The following PCMTD1 variants were observed in gnomAD, a reference collection of about 807,000 sequenced individuals.
PCMTD1 encodes protein-L-isoaspartate (D-aspartate) O-methyltransferase domain containing 1.
In PCMTD1, 12 loss-of-function variants were observed where a neutral mutation model predicts 37.6. The observed-to-expected ratio is 0.32, with a 90% CI of 0.20 to 0.52. The LOEUF (loss-of-function observed/expected upper bound fraction) is 0.52. Among genes scored for constraint, PCMTD1 ranks in the 20% least tolerant of loss-of-function variants. PCMTD1 has a pLI of 0.97. For missense variants in PCMTD1, 235 were observed against 421.3 expected, an observed-to-expected ratio of 0.56 and a Z score of 3.87; for synonymous variants, 117 against 135.8, an observed-to-expected ratio of 0.86 and a Z score of 0.96.
intron 1 of PCMTD1, among the ~76,000 whole-genome samples, chr8:51,866,718 G>A (rs1013579689): frequency 2.6e-5 from 4 of 151,860 alleles, no homozygotes; most frequent in African/African-American, 9.7e-5. Context: ...CATTAGTCTG[G>A]GCAAAGATTT....
rs2037778272 is a variant in PCMTD1 at position 51,817,686 on chromosome 8, AC to A, written c.*2664del. 3.7e-6 allele frequency: 1 copy of A among 268,702 alleles called. No individual in the cohort carries two copies. Among genetic ancestry groups the A allele is most frequent in the Admixed American group, 5.0e-5 (1 of 19,952 alleles). 16.6% of individuals were successfully genotyped at this position (268,702 alleles called of 1,614,324 possible). A position where few individuals can be genotyped will look rare whatever the true frequency, so the allele number is the denominator to read the frequency against. The stretch of plus-strand genomic sequence containing the variant: ...ATCTCAAACAGCTATAAATCAACAC[AC>A]TTTTTGTATTTTATTTTACTACTAT... On this transcript the variant is annotated 3_prime_UTR_variant, in exon 6 of 6. Transcript: ENST00000522514.
At chr8:51,865,401 G>A (rs1007077702) in intron 1 of PCMTD1, among the ~76,000 whole-genome samples, 2 of 152,076 alleles carry the variant, frequency 1.3e-5, no homozygotes, top group Admixed American at 6.5e-5. Context: ...TAATATCCCT[G>A]ATGAACATAT....
At chr8:51,836,155 A>G in intron 3 of PCMTD1, among the ~76,000 whole-genome samples, 1 of 152,192 alleles carries the variant, frequency 6.6e-6, no homozygotes, top group East Asian at 1.9e-4. Context: ...GGGATCAGAG[A>G]AGGGCTCCCT....
At chr8:51,886,070 G>A (rs1585856152) in intron 1 of PCMTD1, among the ~76,000 whole-genome samples, 1 of 152,184 alleles carries the variant, frequency 6.6e-6, no homozygotes. Context: ...CCTCCAAACT[G>A]GTAAGAATCC....
At chr8:51,881,657 T>C (rs2038794583) in intron 1 of PCMTD1, among the ~76,000 whole-genome samples, 2 of 152,154 alleles carry the variant, frequency 1.3e-5, no homozygotes, top group South Asian at 2.1e-4. Flanking sequence ...CCAACTGTTT[T>C]AGAATTGTCT....
At chr8:51,876,987 G>A (rs1166316242) in intron 1 of PCMTD1, among the ~76,000 whole-genome samples, 1 of 152,110 alleles carries the variant, frequency 6.6e-6, no homozygotes, top group Admixed American at 6.5e-5. Context: ...ATTAATAAAG[G>A]AACAAAATAG....
At chr8:51,840,892 T>C (rs1481778447) in intron 3 of PCMTD1, among the ~76,000 whole-genome samples, 4 of 152,288 alleles carry the variant, frequency 2.6e-5, no homozygotes. Flanking sequence ...TGCTCTTTAA[T>C]ATAAATGCTA....
intron 2 of PCMTD1, among the ~76,000 whole-genome samples, chr8:51,847,222 GCA>G (rs2038234780): frequency 6.6e-6 from 1 of 152,086 alleles, no homozygotes; most frequent in Non-Finnish European, 1.5e-5. Context: ...ACTTAGAAAA[GCA>G]CAGTGACTTT....
At chr8:51,833,016 G>GT in intron 4 of PCMTD1, among the ~76,000 whole-genome samples, 1 of 152,006 alleles carries the variant, frequency 6.6e-6, no homozygotes, top group African/African-American at 2.4e-5. Flanking sequence ...GATAATTTTT[G>GT]TATCTGTTTG....
At chr8:51,874,438 C>T (rs2038684163) in intron 1 of PCMTD1, among the ~76,000 whole-genome samples, 1 of 143,692 alleles carries the variant, frequency 7.0e-6, no homozygotes, top group Non-Finnish European at 1.5e-5. Context: ...AGAATGGTTT[C>T]AGGTCCCAGA....
intron 1 of PCMTD1, among the ~76,000 whole-genome samples, chr8:51,870,999 A>G (rs1176318229): frequency 3.3e-5 from 5 of 152,168 alleles, no homozygotes; most frequent in Non-Finnish European, 7.4e-5. Context: ...TAAATTTGTG[A>G]TGATTAAATA....
In PCMTD1 at chr8:51,829,122, A is replaced by G. The variant is rs369678837; in HGVS notation, c.706+2322T>C. On this transcript the variant is annotated intron_variant, in intron 5 of 5. Transcript: ENST00000522514. ...AAAATTTTTTAGAACTGACTGCTTAATTTCTTTCTAAATGAGATCACAGTA... is the reference window on the plus strand; with the variant it reads ...AAAATTTTTTAGAACTGACTGCTTAGTTTCTTTCTAAATGAGATCACAGTA... 7.9e-5 allele frequency among the ~76,000 whole-genome samples: 12 copies of G among 152,296 alleles called. No homozygotes were observed. In the East Asian group the frequency reaches 1.5e-3, roughly 20 times the overall value.
chr8:51,874,473 G>T (rs745823668), intron 1 of PCMTD1, among the ~76,000 whole-genome samples: 4 of 152,102 alleles, frequency 2.6e-5, no homozygotes, highest in Non-Finnish European at 5.9e-5. Context: ...CAGAAAACCA[G>T]TCTCTTAAAT....
intron 2 of PCMTD1, 120 bp downstream of exon 2, chr8:51,860,725 A>G (rs1421718328): frequency 2.4e-6 from 2 of 826,874 alleles, no homozygotes; most frequent in African/African-American, 3.4e-5. Flanking sequence ...TAAGGAAGAT[A>G]CCTACACTGT....
chr8:51,862,056 C>CAGTATAGTATAGTAT (rs1006162514), intron 1 of PCMTD1, among the ~76,000 whole-genome samples: 1 of 151,518 alleles, frequency 6.6e-6, no homozygotes, highest in Admixed American at 6.6e-5. Context: ...CTTTATAGTA[C>CAGTATAGTATAGTAT]AGTATAGTAT....
At chr8:51,850,209 T>G in intron 2 of PCMTD1, 1 of 609,258 alleles carries the variant, frequency 1.6e-6, no homozygotes, top group Non-Finnish European at 2.9e-6. Flanking sequence ...TGTATAATAG[T>G]AGTCCCTGGG....
intron 1 of PCMTD1, among the ~76,000 whole-genome samples, chr8:51,863,984 T>TG (rs1416088720): frequency 6.7e-6 from 1 of 150,200 alleles, no homozygotes; most frequent in East Asian, 1.9e-4. Flanking sequence ...AAACAATGAC[T>TG]GAATGGATTA....
chr8:51,891,696 G>GTATATATA (rs5891441), intron 1 of PCMTD1, among the ~76,000 whole-genome samples: 1 of 142,754 alleles, frequency 7.0e-6, no homozygotes, highest in Non-Finnish European at 1.5e-5. Context: ...ACATATATAT[G>GTATATATA]TATATATATA....
At position 51,878,573 on chromosome 8, in the gene PCMTD1, C is replaced by G. The variant is rs186594459; in HGVS notation, c.-95-17327G>C. ...AACAGCCTGGGCAACATAGTGAGACCCTCATCTCTACAAAAAATTTAAAAA... is the reference window on the plus strand; with the variant it reads ...AACAGCCTGGGCAACATAGTGAGACGCTCATCTCTACAAAAAATTTAAAAA... On this transcript the variant is annotated intron_variant, in intron 1 of 5. Coordinates refer to ENST00000522514, the MANE Select transcript of PCMTD1 (RefSeq NM_052937.4). Among the ~76,000 whole-genome samples the G allele has an allele frequency of 2.0e-5, 3 of 151,742 alleles. No homozygotes were observed. In the East Asian group the frequency reaches 5.9e-4, roughly 30 times the overall value.
Sources: gnomAD v4.1 joint callset for allele counts (sites outside exome capture counted in the v4.1 genomes callset) on GRCh38, gnomAD v4.1.1 for gene constraint, MANE v1.5 for transcripts, NCBI Gene and HGNC (gene_info 2026-07-23, HGNC 2026-07-21) for gene names.